Variants in CFAP20DC observed in about 807,000 individuals in gnomAD.
CFAP20DC encodes CFAP20 domain containing.
CFAP20DC carries 84 observed loss-of-function variants against 101.7 expected under a neutral mutation model. The observed-to-expected ratio is 0.83, with a 90% CI of 0.69 to 0.99. The LOEUF is 0.99. CFAP20DC is among the 50% of genes least tolerant of loss of function. CFAP20DC has a pLI of 0.00. For missense variants in CFAP20DC, 1,007 were observed against 970.3 expected (o/e 1.04, Z -0.50); for synonymous variants, 359 against 351.2 (o/e 1.02, Z -0.25).
rs181340178 is a variant in CFAP20DC at position 58,790,811 on chromosome 3, G to A, written c.2237+15584C>T. On this transcript the variant is annotated intron_variant, in intron 15 of 16. Coordinates refer to ENST00000482387, the MANE Select transcript of CFAP20DC (RefSeq NM_001394063.1). ...TAAATTAAAAGGTATCCAAAGGACG[G>A]TGATTAGGACTATGCCAGGACCAGG... 5.4e-4 allele frequency among the ~76,000 whole-genome samples: 82 copies of A among 152,276 alleles called. No homozygotes were observed. In the East Asian group the frequency reaches 0.015, roughly 29 times the overall value.
chr3:58,963,619 T>C (rs938082024), intron 4 of CFAP20DC, among the ~76,000 whole-genome samples: 1 of 152,166 alleles, frequency 6.6e-6, no homozygotes, highest in African/African-American at 2.4e-5. Flanking sequence ...AACCACTGTT[T>C]TTTTAATCCC....
chr3:58,801,622 AG>A (rs1312726512), intron 15 of CFAP20DC, among the ~76,000 whole-genome samples: 3 of 151,588 alleles, frequency 2.0e-5, no homozygotes, highest in African/African-American at 7.3e-5. Context: ...ACAACTGGAG[AG>A]GAAAAAAAAA....
chr3:58,930,771 A>T (rs2086533538), intron 5 of CFAP20DC, among the ~76,000 whole-genome samples: 1 of 152,164 alleles, frequency 6.6e-6, no homozygotes, highest in African/African-American at 2.4e-5. Context: ...TTTAAATTAA[A>T]TTTAAGCAGG....
chr3:59,020,480 T>C (rs1205149881), intron 4 of CFAP20DC, among the ~76,000 whole-genome samples: 1 of 152,114 alleles, frequency 6.6e-6, no homozygotes, highest in African/African-American at 2.4e-5. Context: ...TTTGTTAAGT[T>C]AATAAATTGT....
At chr3:58,840,093 T>C (rs577233281) in intron 13 of CFAP20DC, among the ~76,000 whole-genome samples, 11 of 152,332 alleles carry the variant, frequency 7.2e-5, no homozygotes, top group South Asian at 2.1e-4. Flanking sequence ...AAAATTTCTA[T>C]GCCTAATTCA....
intron 3 of CFAP20DC, 46 bp downstream of exon 3, chr3:59,046,183 C>CT: frequency 7.7e-7 from 1 of 1,291,370 alleles, no homozygotes; most frequent in Non-Finnish European, 1.1e-6. Flanking sequence ...AAAAGCAGAA[C>CT]TTTGAGTACA....
intron 15 of CFAP20DC, among the ~76,000 whole-genome samples, chr3:58,759,241 G>A (rs2069283005): frequency 6.6e-6 from 1 of 152,210 alleles, no homozygotes; most frequent in Non-Finnish European, 1.5e-5. Flanking sequence ...TAACTGGTGT[G>A]AGATGGTATC....
chr3:58,939,394 A>G (rs2088182630), intron 4 of CFAP20DC, among the ~76,000 whole-genome samples: 2 of 152,346 alleles, frequency 1.3e-5, no homozygotes, highest in Non-Finnish European at 2.9e-5. Context: ...AAATTCATCT[A>G]TCACAGTTTT....
At chr3:59,043,354 T>C (rs1263578686) in intron 3 of CFAP20DC, among the ~76,000 whole-genome samples, 1 of 150,918 alleles carries the variant, frequency 6.6e-6, no homozygotes, top group East Asian at 1.9e-4. Flanking sequence ...GTGAGGAAAA[T>C]ATAAGAAGGA....
intron 14 of CFAP20DC, among the ~76,000 whole-genome samples, chr3:58,820,043 A>G (rs1156458755): frequency 2.0e-5 from 3 of 150,362 alleles, no homozygotes; most frequent in Non-Finnish European, 3.0e-5. Context: ...GACAAAAACC[A>G]CATGATTATC....
intron 4 of CFAP20DC, among the ~76,000 whole-genome samples, chr3:59,008,820 C>G (rs1252382473): frequency 6.6e-6 from 1 of 151,832 alleles, no homozygotes; most frequent in Non-Finnish European, 1.5e-5. Flanking sequence ...TGTAACAAAC[C>G]TGCACATTGT....
Position 58,884,694 on chromosome 3 carries a change from G to A in CFAP20DC, c.566C>T (p.Pro189Leu). Reference protein sequence around the residue: ...TADKDAVYGVPFSTDEPTDII... With the variant: ...TADKDAVYGVLFSTDEPTDII... ...ATCTGTAGGCTCATCTGTTGAAAAG[G>A]GAACACCATAGACAGCTGGAAATAA... Residue 189 changes from proline to leucine, a missense_variant, in exon 7 of 17, where the codon CCC becomes CTC. Physicochemically the swap from Pro to Leu is moderately conservative, Grantham distance 98. Coordinates refer to ENST00000482387, the MANE Select transcript of CFAP20DC (RefSeq NM_001394063.1). 6.2e-7 allele frequency: 1 copy of A among 1,612,156 alleles called. No individual in the cohort carries two copies. Among genetic ancestry groups the A allele is most frequent in the Non-Finnish European group, 8.5e-7 (1 of 1,178,928 alleles).
intron 4 of CFAP20DC, among the ~76,000 whole-genome samples, chr3:58,982,835 T>G (rs2092616707): frequency 6.6e-6 from 1 of 152,016 alleles, no homozygotes; most frequent in Non-Finnish European, 1.5e-5. Context: ...TGTGCACATG[T>G]ACCCTAAAAA....
chr3:58,863,160 GA>G lies in CFAP20DC; in HGVS notation c.1593+397del, dbSNP rs1361514896. ...AGATGGCAGGGGAGTAAGGAAGCCA[GA>G]AAACCATCAATTTAGAATGCTTAGC... On this transcript the variant is annotated intron_variant, in intron 12 of 16. Transcript: ENST00000482387. This position sits in a 1 kb window ranked among gnomAD's most constrained non-coding sequence, Gnocchi z 5.9. 21 of 1,088,710 alleles carry G rather than the reference GA, an allele frequency of 1.9e-5. No individual in the cohort carries two copies. Among genetic ancestry groups the G allele is most frequent in the Non-Finnish European group, 2.2e-5 (20 of 898,342 alleles). 67.4% of individuals were successfully genotyped at this position (1,088,710 alleles called of 1,614,324 possible).
intron 3 of CFAP20DC, 56 bp from the exon 4 acceptor site, chr3:59,039,685 A>G: frequency 9.3e-7 from 1 of 1,075,552 alleles, no homozygotes; most frequent in Non-Finnish European, 1.3e-6. Context: ...ATGTGCATAT[A>G]AACAAACACA....
chr3:58,808,584 C>G (rs748259946), intron 14 of CFAP20DC, among the ~76,000 whole-genome samples: 22 of 152,166 alleles, frequency 1.4e-4, no homozygotes, highest in Non-Finnish European at 2.1e-4. Flanking sequence ...TGGAAAGGAC[C>G]AACCAGTACC....
chr3:58,750,079 G>A (rs955001290), intron 16 of CFAP20DC, among the ~76,000 whole-genome samples: 1 of 152,156 alleles, frequency 6.6e-6, no homozygotes, highest in Non-Finnish European at 1.5e-5. Flanking sequence ...AAACCGGGCT[G>A]TTCACATGAA....
At chr3:58,791,286 G>C (rs901184757) in intron 15 of CFAP20DC, among the ~76,000 whole-genome samples, 2 of 151,968 alleles carry the variant, frequency 1.3e-5, no homozygotes, top group Non-Finnish European at 2.9e-5. Flanking sequence ...ATATATGCCA[G>C]GCCCTATGCA....
At chr3:58,883,597 G>T (rs2081381267) in intron 7 of CFAP20DC, among the ~76,000 whole-genome samples, 2 of 152,042 alleles carry the variant, frequency 1.3e-5, no homozygotes, top group African/African-American at 4.8e-5. Flanking sequence ...ATTTATATAA[G>T]TATAGGTTGG....
Sources: allele counts gnomAD v4.1 joint callset (sites outside exome capture counted in the v4.1 genomes callset), GRCh38; gene constraint gnomAD v4.1.1; non-coding constraint Gnocchi (gnomAD v3.1); transcripts MANE v1.5; gene names NCBI Gene and HGNC (gene_info 2026-07-23, HGNC 2026-07-21).